NEDD4L: variants seen among roughly 807,000 people sequenced by gnomAD.
The protein encoded by NEDD4L is NEDD4 like E3 ubiquitin protein ligase, also known as E3 ubiquitin-protein ligase NEDD4-like.
NEDD4L carries 54 observed loss-of-function variants against 148.9 expected under a neutral mutation model. The ratio of observed to expected loss-of-function variants is 0.36; its 90% CI spans 0.29 to 0.45. The LOEUF is 0.45. Ranked by LOEUF, NEDD4L falls within the 20% of genes least tolerant of loss-of-function variation. The pLI, the probability that NEDD4L is intolerant of heterozygous loss-of-function variation, is 1.00. For missense variants in NEDD4L, 856 were observed against 1,233.8 expected, an observed-to-expected ratio of 0.69 and a Z score of 4.59; for synonymous variants, 433 against 440.7, an observed-to-expected ratio of 0.98 and a Z score of 0.22.
Position 58,134,358 on chromosome 18 carries a change from CTTTTTTTTTTTTTTTTTT to C in NEDD4L, c.49-31415_49-31398del, listed in dbSNP as rs926932340. ...CAAATCAGTTAAAGCAATTCCATTTCTTTTTTTTTTTTTTTTTTTTTTTTTTTTTTTTGAGACGGAGTC... is the reference window on the plus strand; with the variant it reads ...CAAATCAGTTAAAGCAATTCCATTTCTTTTTTTTTTTTTTGAGACGGAGTC... On this transcript the variant is annotated intron_variant, in intron 1 of 30. Transcript: ENST00000400345. Among the ~76,000 whole-genome samples, 3 of 11,948 alleles carry C rather than the reference CTTTTTTTTTTTTTTTTTT, an allele frequency of 2.5e-4. 1 individual carries two copies. The highest frequency in any genetic ancestry group is 3.8e-4 in the Non-Finnish European group (3 of 7,806). The allele number at this position is 11,948 out of a possible 152,430, so 7.8% of individuals were successfully genotyped here.
chr18:58,277,324 G>A (rs1359064452), intron 5 of NEDD4L, among the ~76,000 whole-genome samples: 1 of 152,156 alleles, frequency 6.6e-6, no homozygotes, highest in African/African-American at 2.4e-5. Context: ...AATCCCCGAG[G>A]CAGCAGAGAA....
At position 58,319,002 on chromosome 18, in the gene NEDD4L, T is replaced by G. The variant is rs188332167; in HGVS notation, c.348+2970T>G. The stretch of plus-strand genomic sequence containing the variant: ...ATGAGGCATTTTCAGGGTGGTGGTA[T>G]TATTTGATGCCCTGCCTGTACTTGG... On this transcript the variant is annotated intron_variant, in intron 6 of 30. Coordinates refer to ENST00000400345, the MANE Select transcript of NEDD4L (RefSeq NM_001144967.3). 2.6e-5 allele frequency among the ~76,000 whole-genome samples: 4 copies of G among 152,314 alleles called. No homozygotes were observed. In the East Asian group the frequency reaches 7.7e-4, roughly 29 times the overall value.
intron 1 of NEDD4L, among the ~76,000 whole-genome samples, chr18:58,092,856 T>G (rs943832226): frequency 7.0e-6 from 1 of 142,034 alleles, no homozygotes; most frequent in African/African-American, 2.7e-5. Context: ...CCTCTCTCTC[T>G]TTTTTTTTTG....
chr18:58,065,157 T>G (rs755930333), intron 1 of NEDD4L, among the ~76,000 whole-genome samples: 1 of 152,262 alleles, frequency 6.6e-6, no homozygotes, highest in Non-Finnish European at 1.5e-5. Flanking sequence ...GCACAGACCT[T>G]GTCTTTACTT....
At chr18:58,140,005 T>C (rs182174280) in intron 1 of NEDD4L, among the ~76,000 whole-genome samples, 51 of 152,330 alleles carry the variant, frequency 3.3e-4, no homozygotes, top group Admixed American at 3.2e-3. Context: ...GGTTCAGTGC[T>C]CATTGTACTG....
Position 58,256,472 on chromosome 18 carries a change from A to G in NEDD4L, c.297+4418A>G. On this transcript the variant is annotated intron_variant, in intron 5 of 30. Transcript: ENST00000400345. The surrounding 1 kb of genome is among the most constrained non-coding windows in gnomAD (Gnocchi z 5.2). Reference sequence around the variant, plus strand: ...GGACAGGTTGGTGAGGTATCCTCGCATTCGGCTGGAGAGGAGCACCTCGTA... The same window carrying G: ...GGACAGGTTGGTGAGGTATCCTCGCGTTCGGCTGGAGAGGAGCACCTCGTA... The G allele has an allele frequency of 1.6e-6, 2 of 1,232,288 alleles. No homozygotes were observed. The highest frequency in any genetic ancestry group is 2.0e-6 in the Non-Finnish European group (2 of 988,070). 76.3% of individuals were successfully genotyped at this position (1,232,288 alleles called of 1,614,324 possible).
At chr18:58,108,187 G>C (rs2085192646) in intron 1 of NEDD4L, among the ~76,000 whole-genome samples, 1 of 152,196 alleles carries the variant, frequency 6.6e-6, no homozygotes, top group Non-Finnish European at 1.5e-5. Flanking sequence ...TTGTTATTTT[G>C]ATAGGCATTT....
At position 58,334,079 on chromosome 18, in the gene NEDD4L, A is replaced by T. The variant is rs530270596; in HGVS notation, c.1065+187A>T. Reference sequence around the variant, plus strand: ...ATACAGAGAATTGTTACTGCCACCCATCTCTAAAATGCTGGAACCTCCATT... The same window carrying T: ...ATACAGAGAATTGTTACTGCCACCCTTCTCTAAAATGCTGGAACCTCCATT... On this transcript the variant is annotated intron_variant, in intron 12 of 30. Coordinates refer to ENST00000400345, the MANE Select transcript of NEDD4L (RefSeq NM_001144967.3). The T allele has an allele frequency of 1.2e-5, 6 of 487,462 alleles. No homozygotes were observed. The Admixed American group carries it at 2.2e-4, about 18-fold the overall frequency. 30.2% of individuals were successfully genotyped at this position (487,462 alleles called of 1,614,324 possible). A position where few individuals can be genotyped will look rare whatever the true frequency, so the allele number is the denominator to read the frequency against.
In NEDD4L at chr18:58,357,381, A is replaced by G; in HGVS notation, c.1767+129A>G. Reference sequence around the variant, plus strand: ...TTGAGTAGTTGACTAGAAACAGAGCACTTTGCTGCCATCTCCTTACTGAAG... The same window carrying G: ...TTGAGTAGTTGACTAGAAACAGAGCGCTTTGCTGCCATCTCCTTACTGAAG... On this transcript the variant is annotated intron_variant, in intron 19 of 30. Coordinates refer to ENST00000400345, the MANE Select transcript of NEDD4L (RefSeq NM_001144967.3). The G allele has an allele frequency of 3.4e-6, 3 of 872,618 alleles. No homozygotes were observed. In the East Asian group the frequency reaches 7.2e-5, roughly 21 times the overall value. The allele number at this position is 872,618 out of a possible 1,614,324, so 54.1% of individuals were successfully genotyped here. A position where few individuals can be genotyped will look rare whatever the true frequency, so the allele number is the denominator to read the frequency against.
At chr18:58,375,771 G>A (rs374298005) in intron 24 of NEDD4L, among the ~76,000 whole-genome samples, 21 of 152,120 alleles carry the variant, frequency 1.4e-4, no homozygotes, top group Admixed American at 4.6e-4. Flanking sequence ...TTGAGCAAAC[G>A]AATGAGGAGT....
chr18:58,255,569 G>A, intron 5 of NEDD4L: 5 of 1,231,866 alleles, frequency 4.1e-6, no homozygotes, highest in Non-Finnish European at 5.1e-6. Context: ...TTGTGTCTTT[G>A]GTTTGTGACT....
At chr18:58,390,575 C>A in intron 28 of NEDD4L, 71 bp from the exon 29 acceptor site, 1 of 934,108 alleles carries the variant, frequency 1.1e-6, no homozygotes, top group Non-Finnish European at 1.7e-6. Flanking sequence ...TAAGTTCTGC[C>A]TGCCTGCATG....
chr18:58,215,401 A>G (rs891658625), intron 2 of NEDD4L, among the ~76,000 whole-genome samples: 1 of 152,128 alleles, frequency 6.6e-6, no homozygotes, highest in East Asian at 1.9e-4. Flanking sequence ...TCGTGTATTT[A>G]TATTTCCATT....
chr18:58,271,125 T>C (rs957824873), intron 5 of NEDD4L, among the ~76,000 whole-genome samples: 1 of 152,210 alleles, frequency 6.6e-6, no homozygotes, highest in Admixed American at 6.5e-5. Flanking sequence ...AGAGAAAATC[T>C]TAATTCCTCA....
chr18:58,297,901 G>A (rs2055887455), intron 5 of NEDD4L, among the ~76,000 whole-genome samples: 1 of 152,012 alleles, frequency 6.6e-6, no homozygotes. Context: ...GTCTTTTCCC[G>A]GGAGCCCCCT....
intron 5 of NEDD4L, among the ~76,000 whole-genome samples, chr18:58,267,989 G>A (rs936659830): frequency 6.6e-6 from 1 of 152,018 alleles, no homozygotes; most frequent in Non-Finnish European, 1.5e-5. Flanking sequence ...CCTACTGTGG[G>A]GGCCAAGGGA....
chr18:58,049,801 AC>A (rs1412931844), intron 1 of NEDD4L, among the ~76,000 whole-genome samples: 3 of 151,734 alleles, frequency 2.0e-5, no homozygotes, highest in Non-Finnish European at 4.4e-5. Flanking sequence ...ACGTGGTGAA[AC>A]CCCGTCTCTA....
intron 1 of NEDD4L, among the ~76,000 whole-genome samples, chr18:58,063,887 A>AC: frequency 6.8e-6 from 1 of 147,860 alleles, no homozygotes; most frequent in South Asian, 2.1e-4. Flanking sequence ...GGTAAGGTAG[A>AC]ACCCCTTTAG....
intron 1 of NEDD4L, among the ~76,000 whole-genome samples, chr18:58,080,242 G>A (rs1228484446): frequency 6.6e-6 from 1 of 152,200 alleles, no homozygotes; most frequent in Admixed American, 6.5e-5. Flanking sequence ...TCTGTAGATG[G>A]GGAGCCCACC....
Sources: allele counts gnomAD v4.1 joint callset (sites outside exome capture counted in the v4.1 genomes callset), GRCh38; gene constraint gnomAD v4.1.1; non-coding constraint Gnocchi (gnomAD v3.1); transcripts MANE v1.5; gene names NCBI Gene and HGNC (gene_info 2026-07-23, HGNC 2026-07-21).